Variants in KCTD21 observed in about 807,000 individuals in gnomAD.
KCTD21 encodes the protein BTB/POZ domain-containing protein KCTD21.
In KCTD21, 9 loss-of-function variants were observed where a neutral mutation model predicts 13.2. The ratio of observed to expected loss-of-function variants is 0.68; its 90% confidence interval spans 0.41 to 1.19. The LOEUF (loss-of-function observed/expected upper bound fraction) is 1.19. KCTD21 is among the 50% of genes most tolerant of loss of function. The pLI, the probability that KCTD21 is intolerant of heterozygous loss-of-function variation, is 0.01. For synonymous variants in KCTD21, 142 were observed against 137.4 expected, an observed-to-expected ratio of 1.03 and a Z score of -0.23; for missense variants, 303 against 336.5, an observed-to-expected ratio of 0.90 and a Z score of 0.78.
intron 1 of KCTD21, chr11:78,175,092 G>A (rs1030443143): frequency 6.6e-6 from 1 of 152,546 alleles, no homozygotes; most frequent in Non-Finnish European, 1.5e-5. Flanking sequence ...GGAGGCCGAG[G>A]CGGGCAGATC....
Position 78,173,053 on chromosome 11 carries a change from T to C in KCTD21, c.*719A>G, listed in dbSNP as rs1260819867. 6.6e-6 allele frequency: 1 copy of C among 152,496 alleles called. No individual in the cohort carries two copies. The highest frequency in any genetic ancestry group is 1.5e-5 in the Non-Finnish European group (1 of 68,048). 9.4% of individuals were successfully genotyped at this position (152,496 alleles called of 1,614,324 possible). ...TTGGAAGTGATTTCATTACACTGGC[T>C]ACAGATACTTGCACATTTTTGCAAA... is the stretch of plus-strand genomic sequence containing the variant. On this transcript the variant is annotated 3_prime_UTR_variant, in exon 2 of 2. Coordinates refer to ENST00000340067, the MANE Select transcript of KCTD21 (RefSeq NM_001029859.3).
chr11:78,175,062 C>T (rs1350370420), intron 1 of KCTD21: 1 of 152,910 alleles, frequency 6.5e-6, no homozygotes, highest in African/African-American at 2.4e-5. Context: ...GTGGCTCACA[C>T]CTGTAATCCC....
Position 78,171,570 on chromosome 11 carries a change from T to C in KCTD21, c.*2202A>G, listed in dbSNP as rs2136983973. ...GTTTTGTTATGACCACAGCTTCTGC[T>C]ACTTGGTCTAAACTAGGTTCTCCAT... is the stretch of plus-strand genomic sequence containing the variant. On this transcript the variant is annotated 3_prime_UTR_variant, in exon 2 of 2. Coordinates refer to ENST00000340067, the MANE Select transcript of KCTD21 (RefSeq NM_001029859.3). The C allele has an allele frequency of 6.6e-6, 1 of 152,648 alleles. No homozygotes were observed. The highest frequency in any genetic ancestry group is 1.9e-4 in the East Asian group (1 of 5,184). The allele number at this position is 152,648 out of a possible 1,614,324, so 9.5% of individuals were successfully genotyped here.
chr11:78,188,211 T>C (rs1160293187), intron 1 of KCTD21: 1 of 982,774 alleles, frequency 1.0e-6, no homozygotes, highest in Non-Finnish European at 1.2e-6. Context: ...TCCCCAGCCC[T>C]ACAGCCCCCA....
intron 1 of KCTD21, among the ~76,000 whole-genome samples, chr11:78,181,330 T>C (rs1565385675): frequency 6.6e-6 from 1 of 152,318 alleles, no homozygotes; most frequent in East Asian, 1.9e-4. Context: ...CAGCAATATA[T>C]AGGAACTACT....
At chr11:78,178,616 C>T (rs1261582929) in intron 1 of KCTD21, among the ~76,000 whole-genome samples, 1 of 152,186 alleles carries the variant, frequency 6.6e-6, no homozygotes, top group African/African-American at 2.4e-5. Context: ...TCCTGGCCAC[C>T]TCCACTTGGA....
At chr11:78,177,929 C>T (rs1253533879) in intron 1 of KCTD21, 1 of 152,174 alleles carries the variant, frequency 6.6e-6, no homozygotes, top group Non-Finnish European at 1.5e-5. Flanking sequence ...CTTGCAAAAG[C>T]AGCAGAGCAC....
At chr11:78,175,662 T>C (rs1862430463) in intron 1 of KCTD21, among the ~76,000 whole-genome samples, 1 of 152,216 alleles carries the variant, frequency 6.6e-6, no homozygotes, top group Non-Finnish European at 1.5e-5. Flanking sequence ...GTCATTTCCA[T>C]CTATCTTCAA....
intron 1 of KCTD21, among the ~76,000 whole-genome samples, chr11:78,179,093 T>C (rs761535645): frequency 2.2e-4 from 34 of 152,300 alleles, no homozygotes; most frequent in South Asian, 1.2e-3. Context: ...ACTGGGCCTT[T>C]GAGTTCCTTG....
At chr11:78,186,790 C>G (rs1421346456) in intron 1 of KCTD21, 3 of 985,338 alleles carry the variant, frequency 3.0e-6, no homozygotes, top group African/African-American at 3.5e-5. Context: ...GGTCTCTCAG[C>G]TGGAATTCAT....
chr11:78,186,034 CAA>C (rs1862753462), intron 1 of KCTD21, among the ~76,000 whole-genome samples: 1 of 151,968 alleles, frequency 6.6e-6, no homozygotes, highest in South Asian at 2.1e-4. Flanking sequence ...TGAATGTTGA[CAA>C]AGAGAGGCCA....
At chr11:78,175,013 A>G (rs1862405849) in intron 1 of KCTD21, 1 of 155,980 alleles carries the variant, frequency 6.4e-6, no homozygotes, top group Admixed American at 6.3e-5. Flanking sequence ...GTGTTTATAC[A>G]TATATTTGCT....
Position 78,171,828 on chromosome 11 carries a change from A to G in KCTD21, c.*1944T>C, listed in dbSNP as rs538839645. Reference sequence around the variant, plus strand: ...ACCATGTTGGCCAGGCTGGTCTTGAACTCCTGACCTCAAGTGATCTTCCCG... The same window carrying G: ...ACCATGTTGGCCAGGCTGGTCTTGAGCTCCTGACCTCAAGTGATCTTCCCG... On this transcript the variant is annotated 3_prime_UTR_variant, in exon 2 of 2. Coordinates refer to ENST00000340067, the MANE Select transcript of KCTD21 (RefSeq NM_001029859.3). 9.2e-5 allele frequency: 14 copies of G among 151,874 alleles called. No individual in the cohort carries two copies. Among genetic ancestry groups the G allele is most frequent in the African/African-American group, 3.4e-4 (14 of 41,358 alleles). 9.4% of individuals were successfully genotyped at this position (151,874 alleles called of 1,614,324 possible).
intron 1 of KCTD21, chr11:78,187,462 A>G (rs142326482): frequency 1.0e-3 from 992 of 985,394 alleles, no homozygotes; most frequent in Middle Eastern, 1.6e-3. Flanking sequence ...GGGCTGGAAG[A>G]AGGAGACCAC....
At chr11:78,178,412 G>A (rs1262133462) in intron 1 of KCTD21, among the ~76,000 whole-genome samples, 1 of 152,160 alleles carries the variant, frequency 6.6e-6, no homozygotes, top group African/African-American at 2.4e-5. Flanking sequence ...ACAGGCGTGA[G>A]CCACCGTGCC....
Position 78,174,535 on chromosome 11 carries a change from A to C in KCTD21, c.20T>G (p.Leu7Arg). The change falls in exon 2 of 2, where the codon CTG (leucine) becomes CGG (arginine). Residue 7 changes from leucine (L) to arginine (R), a missense_variant. Physicochemically the swap from Leu to Arg is moderately radical, Grantham distance 102 (BLOSUM62 -2). Transcript: ENST00000340067. The part of the protein sequence containing the change: MSDPIT[L>R]NVGGKLYTTS... ...TGTATAGAGCTTCCCCCCGACGTTC[A>C]GCGTGATGGGGTCGGACATGGCAGG... The C allele has an allele frequency of 6.2e-7, 1 of 1,612,774 alleles. No homozygotes were observed. The highest frequency in any genetic ancestry group is 2.2e-5 in the East Asian group (1 of 44,852).
intron 1 of KCTD21, 189 bp downstream of exon 1, chr11:78,188,384 C>T: frequency 6.1e-6 from 6 of 985,690 alleles, no homozygotes; most frequent in Non-Finnish European, 7.2e-6. Context: ...AAGAGCTCTG[C>T]CCACTTCGGC....
intron 1 of KCTD21, chr11:78,187,716 G>A: frequency 1.0e-6 from 1 of 985,436 alleles, no homozygotes; most frequent in Non-Finnish European, 1.2e-6. Context: ...TACTATAGGA[G>A]GGCTGCCTTA....
chr11:78,185,750 C>A (rs1451592303), intron 1 of KCTD21, among the ~76,000 whole-genome samples: 1 of 152,060 alleles, frequency 6.6e-6, no homozygotes, highest in Non-Finnish European at 1.5e-5. Context: ...TGCCACCATG[C>A]CCGGCTAATT....
Sources: gnomAD v4.1 joint callset for allele counts (sites outside exome capture counted in the v4.1 genomes callset) on GRCh38, gnomAD v4.1.1 for gene constraint, MANE v1.5 for transcripts, NCBI Gene and HGNC (gene_info 2026-07-23, HGNC 2026-07-21) for gene names.